The following MUSK variants were observed in gnomAD, a reference collection of about 807,000 sequenced individuals.
MUSK encodes muscle associated receptor tyrosine kinase, also known as muscle, skeletal receptor tyrosine-protein kinase.
MUSK carries 55 observed loss-of-function variants against 88.7 expected under a neutral mutation model. The ratio of observed to expected loss-of-function variants is 0.62; its 90% confidence interval spans 0.50 to 0.78. The LOEUF is 0.78. MUSK is among the 30% of genes least tolerant of loss of function. The pLI is 0.00. For synonymous variants in MUSK, 387 were observed against 391.9 expected (o/e 0.99, Z 0.15); for missense variants, 1,015 against 1,074.3 (o/e 0.94, Z 0.77).
chr9:110,800,393 C>T lies in MUSK; in HGVS notation c.2015C>T (p.Pro672Leu). The T allele has an allele frequency of 1.2e-6, 2 of 1,613,896 alleles. No individual in the cohort carries two copies. Among genetic ancestry groups the T allele is most frequent in the Non-Finnish European group, 1.7e-6 (2 of 1,179,856 alleles). ...DLNEFLRSMS[P>L]HTVCSLSHSD... is the part of the protein sequence containing the mutation. ...AATGAGTTCCTCCGCAGCATGTCCCCTCACACCGTGTGCAGCCTCAGTCAC... is the reference window on the plus strand; with the variant it reads ...AATGAGTTCCTCCGCAGCATGTCCCTTCACACCGTGTGCAGCCTCAGTCAC... Residue 672 changes from proline to leucine, a missense_variant, in exon 15 of 15, where the codon CCT (proline) becomes CTT (leucine). Transcript: ENST00000374448.
chr9:110,679,462 T>C (rs1310255879), intron 1 of MUSK, among the ~76,000 whole-genome samples: 1 of 151,632 alleles, frequency 6.6e-6, no homozygotes, highest in African/African-American at 2.4e-5. Context: ...ATTTCTGTTT[T>C]ATTTTATTTA....
intron 7 of MUSK, among the ~76,000 whole-genome samples, chr9:110,753,624 C>A (rs2821151): frequency 2.6e-5 from 4 of 152,034 alleles, no homozygotes; most frequent in Middle Eastern, 3.4e-3. Context: ...TAATGTAAGC[C>A]GCTCCCCATT....
At chr9:110,688,521 T>C (rs1037904232) in intron 3 of MUSK, among the ~76,000 whole-genome samples, 1 of 152,064 alleles carries the variant, frequency 6.6e-6, no homozygotes, top group Non-Finnish European at 1.5e-5. Flanking sequence ...TTTACATAGG[T>C]AAACATGTGC....
intron 11 of MUSK, among the ~76,000 whole-genome samples, chr9:110,782,823 C>A (rs1351070963): frequency 6.6e-6 from 1 of 152,174 alleles, no homozygotes; most frequent in Non-Finnish European, 1.5e-5. Context: ...GAGTCCACCA[C>A]TCCTGTGGTG....
intron 11 of MUSK, among the ~76,000 whole-genome samples, chr9:110,777,002 A>G (rs975587418): frequency 6.6e-6 from 1 of 152,146 alleles, no homozygotes; most frequent in Admixed American, 6.5e-5. Context: ...CTAATTATGT[A>G]TAGATGAAAC....
At chr9:110,728,371 A>G in intron 5 of MUSK, 1 of 304,332 alleles carries the variant, frequency 3.3e-6, no homozygotes. Flanking sequence ...CTTGAAAGAA[A>G]GGGTAACTGT....
rs541324875 is a variant in MUSK, at chr9:110,702,905, T to A, written c.628+5439T>A. On this transcript the variant is annotated intron_variant, in intron 5 of 14. Coordinates refer to ENST00000374448, the MANE Select transcript of MUSK (RefSeq NM_005592.4). Reference sequence around the variant, plus strand: ...GAGACCCTGTCTCAAAATAAAAAAATAATAATAAAAAACCTACATACACAT... The same window carrying A: ...GAGACCCTGTCTCAAAATAAAAAAAAAATAATAAAAAACCTACATACACAT... 9.1e-4 allele frequency among the ~76,000 whole-genome samples: 133 copies of A among 145,778 alleles called. 1 individual carries two copies. The South Asian group carries it at 0.018, about 19-fold the overall frequency.
At position 110,806,436 on chromosome 9, in the gene MUSK, T is replaced by C. The variant is rs557708537; in HGVS notation, c.*5448T>C. On this transcript the variant is annotated 3_prime_UTR_variant, in exon 15 of 15. Transcript: ENST00000374448. ...TTCTACGCTGTCAACTATATGTTCA[T>C]TTCTATGAATCTGTAATATTTGCAT... Among the ~76,000 whole-genome samples, 5 of 152,320 alleles carry C rather than the reference T, an allele frequency of 3.3e-5. No homozygotes were observed. The South Asian group carries it at 8.3e-4, about 25-fold the overall frequency.
In MUSK at chr9:110,784,876, C is replaced by T. The variant is rs754903785; in HGVS notation, c.1446C>T (p.Ser482=). 18 of 1,613,902 alleles carry T rather than the reference C, an allele frequency of 1.1e-5. No individual in the cohort carries two copies. Among genetic ancestry groups the T allele is most frequent in the Middle Eastern group, 1.6e-4 (1 of 6,062 alleles). Residue 482 remains serine, a synonymous_variant, in exon 12 of 15, where the codon TCC becomes TCT. Coordinates refer to ENST00000374448, the MANE Select transcript of MUSK (RefSeq NM_005592.4). The part of the protein sequence containing the change: ...SVDIPNLPSS[S]SSSFSVSPTY... ...ACATTCCAAATCTGCCTTCCTCCTC[C>T]TCTTCTTCCTTCTCTGTCTCACCTA...
At chr9:110,710,072 C>G (rs1359672895) in intron 5 of MUSK, among the ~76,000 whole-genome samples, 1 of 152,180 alleles carries the variant, frequency 6.6e-6, no homozygotes, top group Non-Finnish European at 1.5e-5. Context: ...TGAGACCAAA[C>G]AAATTGTGAC....
At chr9:110,757,401 G>A (rs2077340606) in intron 7 of MUSK, among the ~76,000 whole-genome samples, 1 of 151,264 alleles carries the variant, frequency 6.6e-6, no homozygotes. Context: ...AAAGGTTACA[G>A]TGAGCCAAGA....
At chr9:110,706,496 T>C (rs1167281889) in intron 5 of MUSK, among the ~76,000 whole-genome samples, 1 of 152,126 alleles carries the variant, frequency 6.6e-6, no homozygotes, top group Non-Finnish European at 1.5e-5. Context: ...ATGTTGTTTT[T>C]CTTATATATC....
intron 5 of MUSK, among the ~76,000 whole-genome samples, chr9:110,714,295 T>TCGTAC (rs2076716358): frequency 6.6e-6 from 1 of 152,178 alleles, no homozygotes; most frequent in Non-Finnish European, 1.5e-5. Context: ...CATTTCTTGC[T>TCGTAC]CGTACCCACT....
rs1564301624 is a variant in MUSK at position 110,801,000 on chromosome 9, TTCAAATAAAATGCTGCAG to T, written c.*14_*31del. On this transcript the variant is annotated 3_prime_UTR_variant, in exon 15 of 15. Coordinates refer to ENST00000374448, the MANE Select transcript of MUSK (RefSeq NM_005592.4). ...CTGTGAGTGTCTAAGGTTGAAGACG[TTCAAATAAAATGCTGCAG>T]TTTCCTCTCAGACTCTGTGAGCCAG... The T allele has an allele frequency of 6.7e-7, 1 of 1,501,942 alleles. No homozygotes were observed. The allele number at this position is 1,501,942 out of a possible 1,614,324, so 93.0% of individuals were successfully genotyped here.
intron 5 of MUSK, among the ~76,000 whole-genome samples, chr9:110,708,021 T>C (rs2076621049): frequency 6.6e-6 from 1 of 152,154 alleles, no homozygotes; most frequent in Admixed American, 6.5e-5. Flanking sequence ...ACTTTTTATC[T>C]GAAGATATTT....
intron 5 of MUSK, 106 bp from the exon 6 acceptor site, chr9:110,734,142 TGAA>T: frequency 7.9e-7 from 1 of 1,272,514 alleles, no homozygotes; most frequent in Middle Eastern, 2.6e-4. Flanking sequence ...GAGCAAACAC[TGAA>T]GAACTGCACA....
intron 5 of MUSK, among the ~76,000 whole-genome samples, chr9:110,711,109 G>T (rs2076664001): frequency 6.6e-6 from 1 of 152,136 alleles, no homozygotes; most frequent in South Asian, 2.1e-4. Flanking sequence ...TGGGGTCGGG[G>T]GAGAGGGGAG....
Position 110,800,717 on chromosome 9 carries a change from C to T in MUSK, c.2339C>T (p.Thr780Ile), listed in dbSNP as rs754976866. The change falls in exon 15 of 15, where the codon ACT (threonine) becomes ATT (isoleucine). Residue 780 changes from threonine to isoleucine, a missense_variant. By Grantham distance (89) the Thr-to-Ile change is moderately conservative. Coordinates refer to ENST00000374448, the MANE Select transcript of MUSK (RefSeq NM_005592.4). ...GAGTCCATTTTTTATAACCGCTACACTACAGAGTCTGATGTGTGGGCCTAT... is the reference window on the plus strand; with the variant it reads ...GAGTCCATTTTTTATAACCGCTACATTACAGAGTCTGATGTGTGGGCCTAT... ...PPESIFYNRYTTESDVWAYGV... is the reference protein window; with the variant it reads ...PPESIFYNRYITESDVWAYGV... 36 of 1,613,910 alleles carry T rather than the reference C, an allele frequency of 2.2e-5. No individual in the cohort carries two copies. In the Middle Eastern group the frequency reaches 4.9e-4, roughly 22 times the overall value.
chr9:110,761,241 C>G (rs1436231679), intron 7 of MUSK, among the ~76,000 whole-genome samples: 1 of 152,126 alleles, frequency 6.6e-6, no homozygotes. Context: ...AGAGGAGAGG[C>G]GTATTCTCCT....
Sources: gnomAD v4.1 joint callset for allele counts (sites outside exome capture counted in the v4.1 genomes callset) on GRCh38, gnomAD v4.1.1 for gene constraint, MANE v1.5 for transcripts, NCBI Gene and HGNC (gene_info 2026-07-23, HGNC 2026-07-21) for gene names.